Variants in KPNB1 observed in about 807,000 individuals in gnomAD.
The protein encoded by KPNB1 is importin subunit beta-1.
In KPNB1, 7 loss-of-function variants were observed where a neutral mutation model predicts 113.0. The ratio of observed to expected loss-of-function variants is 0.06; its 90% CI spans 0.04 to 0.12. The LOEUF is 0.12. KPNB1 is among the 10% of genes least tolerant of loss of function. The pLI, the probability that KPNB1 is intolerant of heterozygous loss-of-function variation, is 1.00. For synonymous variants in KPNB1, 363 were observed against 378.6 expected (o/e 0.96, Z 0.48); for missense variants, 400 against 1,054.8 (o/e 0.38, Z 8.60).
In KPNB1 at chr17:47,678,423, A is replaced by C; in HGVS notation, c.2353+10A>C. The C allele has an allele frequency of 6.3e-7, 1 of 1,592,886 alleles. No individual in the cohort carries two copies. Among genetic ancestry groups the C allele is most frequent in the Non-Finnish European group, 8.6e-7 (1 of 1,160,800 alleles). ...CAGGAGAACGTACACCGTTGAGTAT[A>C]CAACCCAGTTCCCTTCGTCCGCTCG... On this transcript the variant is annotated intron_variant, in intron 19 of 21. Coordinates refer to ENST00000290158, the MANE Select transcript of KPNB1 (RefSeq NM_002265.6).
chr17:47,664,787 G>A (rs1439636214), intron 8 of KPNB1, among the ~76,000 whole-genome samples: 2 of 152,034 alleles, frequency 1.3e-5, no homozygotes, highest in Non-Finnish European at 2.9e-5. Flanking sequence ...GTTGATCCAA[G>A]GAACACTGAA....
At chr17:47,680,694 CT>C in intron 21 of KPNB1, 25 bp downstream of exon 21, 1 of 1,603,698 alleles carries the variant, frequency 6.2e-7, no homozygotes, top group Non-Finnish European at 8.5e-7. Context: ...CCACTGTCCT[CT>C]TTCTTCTACT....
At chr17:47,653,077 T>C (rs1915623224) in intron 3 of KPNB1, among the ~76,000 whole-genome samples, 1 of 152,184 alleles carries the variant, frequency 6.6e-6, no homozygotes, top group Non-Finnish European at 1.5e-5. Context: ...TGGAATTCTT[T>C]TTAGATGACT....
chr17:47,661,769 G>A (rs921244391), intron 6 of KPNB1, among the ~76,000 whole-genome samples: 1 of 152,142 alleles, frequency 6.6e-6, no homozygotes, highest in Non-Finnish European at 1.5e-5. Flanking sequence ...GGGCAACATA[G>A]TGACACCATC....
Position 47,678,089 on chromosome 17 carries a change from T to C in KPNB1, c.2147T>C (p.Val716Ala). ...HRSVKPQILSVFGDIALAIGG... is the reference protein window; with the variant it reads ...HRSVKPQILSAFGDIALAIGG... ...TCTGTGAAGCCGCAGATTCTGTCAG[T>C]GTTTGGTGATATTGCCCTTGCTATT... The change falls in exon 18 of 22, where the codon GTG becomes GCG. Residue 716 changes from valine to alanine, a missense_variant. Around this residue, in one of 2 missense-constraint regions of KPNB1, gnomAD observed 115 missense variants for 427.9 expected, o/e 0.27. Transcript: ENST00000290158. 2 of 1,614,174 alleles carry C rather than the reference T, an allele frequency of 1.2e-6. No homozygotes were observed. The highest frequency in any genetic ancestry group is 1.7e-6 in the Non-Finnish European group (2 of 1,179,956).
Position 47,656,964 on chromosome 17 carries a change from C to G in KPNB1, c.387C>G (p.Leu129=). The G allele has an allele frequency of 6.2e-7, 1 of 1,614,180 alleles. No homozygotes were observed. The highest frequency in any genetic ancestry group is 8.5e-7 in the Non-Finnish European group (1 of 1,180,038). The stretch of plus-strand genomic sequence containing the variant: ...TCCCAGTAAACCAGTGGCCAGAACT[C>G]ATTCCTCAGCTGGTGGCCAATGTCA... ...AEIPVNQWPE[L]IPQLVANVTN... The change falls in exon 4 of 22, where the codon CTC becomes CTG. Residue 129 remains leucine, a synonymous_variant. Coordinates refer to ENST00000290158, the MANE Select transcript of KPNB1 (RefSeq NM_002265.6).
chr17:47,668,848 C>A (rs1434839074), intron 10 of KPNB1, among the ~76,000 whole-genome samples: 2 of 151,526 alleles, frequency 1.3e-5, no homozygotes, highest in Non-Finnish European at 2.9e-5. Context: ...TTATTCTATT[C>A]TTTGGACAAA....
chr17:47,668,954 A>T (rs1431711686), intron 10 of KPNB1, among the ~76,000 whole-genome samples: 2 of 151,984 alleles, frequency 1.3e-5, no homozygotes, highest in Non-Finnish European at 2.9e-5. Flanking sequence ...GCAACGAGCG[A>T]AACTCTATCT....
In KPNB1 at chr17:47,684,323, A is replaced by G. The variant is rs1447886634; in HGVS notation, c.*1919A>G. 1 of 151,918 alleles carries G rather than the reference A, an allele frequency of 6.6e-6. No individual in the cohort carries two copies. Among genetic ancestry groups the G allele is most frequent in the Non-Finnish European group, 1.5e-5 (1 of 68,000 alleles). 9.4% of individuals were successfully genotyped at this position (151,918 alleles called of 1,614,324 possible). On this transcript the variant is annotated 3_prime_UTR_variant, in exon 22 of 22. Coordinates refer to ENST00000290158, the MANE Select transcript of KPNB1 (RefSeq NM_002265.6). ...GCCTTTTGGTGCCAGGTTCAAAGTC[A>G]AGTGCCGATCTATGAACCAGTGTAC...
Position 47,680,138 on chromosome 17 carries a change from A to G in KPNB1, c.2468+4A>G, listed in dbSNP as rs1388624081. 2 of 1,535,760 alleles carry G rather than the reference A, an allele frequency of 1.3e-6. No homozygotes were observed. Among genetic ancestry groups the G allele is most frequent in the Admixed American group, 1.7e-5 (1 of 59,820 alleles). ...CTTGTGCTGCTGGACTAATAGGGTA[A>G]GTTATACCCTGCTTCTAAGAGCTGA... On this transcript the variant is annotated splice_donor_region_variant and intron_variant, in intron 20 of 21. Coordinates refer to ENST00000290158, the MANE Select transcript of KPNB1 (RefSeq NM_002265.6).
At position 47,658,632 on chromosome 17, in the gene KPNB1, A is replaced by T; in HGVS notation, c.608A>T (p.Glu203Val). The T allele has an allele frequency of 6.2e-7, 1 of 1,613,806 alleles. No homozygotes were observed. The highest frequency in any genetic ancestry group is 8.5e-7 in the Non-Finnish European group (1 of 1,179,920). The change falls in exon 5 of 22, where the codon GAG (glutamate) becomes GTG (valine). Residue 203 changes from glutamate to valine, a missense_variant. Transcript: ENST00000290158. ...ACGAATGCACTCCTGAACTCATTGG[A>T]GTTCACCAAAGCAAACTTTGATAAA... ...AATNALLNSL[E>V]FTKANFDKES...
intron 2 of KPNB1, chr17:47,651,065 C>A: frequency 2.2e-5 from 4 of 183,066 alleles, no homozygotes; most frequent in Non-Finnish European, 3.9e-5. Flanking sequence ...TTTTTTTCTT[C>A]TGACCTGGAT....
chr17:47,675,394 T>TTTTTTTTTTG, intron 15 of KPNB1, among the ~76,000 whole-genome samples: 1 of 137,686 alleles, frequency 7.3e-6, no homozygotes, highest in Non-Finnish European at 1.6e-5. Context: ...TGTTTGTTTT[T>TTTTTTTTTTG]TTTTTGAGAC....
intron 2 of KPNB1, 88 bp downstream of exon 2, chr17:47,650,532 G>C: frequency 8.6e-7 from 1 of 1,167,004 alleles, no homozygotes; most frequent in Non-Finnish European, 1.2e-6. Context: ...CCAGGCCTCG[G>C]GAACCTACCC....
At chr17:47,652,412 A>G (rs1022260906) in intron 2 of KPNB1, among the ~76,000 whole-genome samples, 7 of 152,134 alleles carry the variant, frequency 4.6e-5, no homozygotes, top group African/African-American at 7.2e-5. Context: ...TAACATGACA[A>G]TTTGGGCACT....
At chr17:47,663,616 A>G (rs1437107372) in intron 7 of KPNB1, among the ~76,000 whole-genome samples, 1 of 152,060 alleles carries the variant, frequency 6.6e-6, no homozygotes, top group East Asian at 1.9e-4. Context: ...GTGAGCCAAG[A>G]TCACGCCATT....
intron 7 of KPNB1, 118 bp from the exon 8 acceptor site, chr17:47,664,041 A>G (rs987766116): frequency 1.6e-6 from 1 of 642,324 alleles, no homozygotes; most frequent in African/African-American, 1.9e-5. Flanking sequence ...TTTCAAGCCT[A>G]GCTTCCTTTT....
At position 47,650,716 on chromosome 17, in the gene KPNB1, A is replaced by T. The variant is rs533257289; in HGVS notation, c.99+272A>T. 1.1e-4 allele frequency among the ~76,000 whole-genome samples: 17 copies of T among 152,204 alleles called. No homozygotes were observed. In the East Asian group the frequency reaches 2.7e-3, roughly 24 times the overall value. On this transcript the variant is annotated intron_variant, in intron 2 of 21. Coordinates refer to ENST00000290158, the MANE Select transcript of KPNB1 (RefSeq NM_002265.6). Reference sequence around the variant, plus strand: ...TTGCGCGGCCTGAGGGCGGCGGTGCAGCGGGAGGGAGAAAGAGGGAGGGAA... The same window carrying T: ...TTGCGCGGCCTGAGGGCGGCGGTGCTGCGGGAGGGAGAAAGAGGGAGGGAA...
chr17:47,674,587 TGATTGGGA>T (rs749222648), intron 14 of KPNB1, 43 bp from the exon 15 acceptor site: 6 of 1,565,314 alleles, frequency 3.8e-6, no homozygotes, highest in Non-Finnish European at 5.2e-6. Flanking sequence ...TATAGTGTTC[TGATTGGGA>T]GATTTGGAAT....
Sources: gnomAD v4.1 joint callset for allele counts (sites outside exome capture counted in the v4.1 genomes callset) on GRCh38, gnomAD v4.1.1 for gene constraint, gnomAD v4.1.1 regional missense constraint, MANE v1.5 for transcripts, NCBI Gene and HGNC (gene_info 2026-07-23, HGNC 2026-07-21) for gene names.